The following TM6SF1 variants were observed in gnomAD, a reference collection of about 807,000 sequenced individuals.
The protein encoded by TM6SF1 is transmembrane 6 superfamily member 1.
In TM6SF1, 43 loss-of-function variants were observed where a neutral mutation model predicts 47.1. The ratio of observed to expected loss-of-function variants is 0.91; its 90% CI spans 0.72 to 1.18. The LOEUF (loss-of-function observed/expected upper bound fraction) is 1.18. Among genes scored for constraint, TM6SF1 ranks in the 50% most tolerant of loss-of-function variants. The pLI is 0.00. For missense variants in TM6SF1, 390 were observed against 449.0 expected, an observed-to-expected ratio of 0.87 and a Z score of 1.19; for synonymous variants, 177 against 166.3, an observed-to-expected ratio of 1.06 and a Z score of -0.49.
At chr15:83,135,636 G>A (rs1022491214) in intron 9 of TM6SF1, 1 of 150,768 alleles carries the variant, frequency 6.6e-6, no homozygotes, top group Non-Finnish European at 1.5e-5. Flanking sequence ...CTGTGCTTGC[G>A]AAAAATATCA....
intron 7 of TM6SF1, among the ~76,000 whole-genome samples, chr15:83,126,029 G>A (rs2035719400): frequency 6.6e-6 from 1 of 152,188 alleles, no homozygotes; most frequent in African/African-American, 2.4e-5. Context: ...GGCCCCACCT[G>A]TATTCTTGCA....
chr15:83,108,735 G>A (rs1458379290), intron 1 of TM6SF1, among the ~76,000 whole-genome samples: 1 of 152,214 alleles, frequency 6.6e-6, no homozygotes, highest in Non-Finnish European at 1.5e-5. Flanking sequence ...GCATCAGTCT[G>A]TAGGCTGCAA....
intron 3 of TM6SF1, among the ~76,000 whole-genome samples, chr15:83,117,769 T>G (rs935649581): frequency 6.6e-6 from 1 of 150,558 alleles, no homozygotes; most frequent in Admixed American, 6.6e-5. Context: ...TTTTGGGGAG[T>G]TTTAGAGTAG....
intron 1 of TM6SF1, among the ~76,000 whole-genome samples, chr15:83,111,143 A>T (rs2034120021): frequency 6.6e-6 from 1 of 152,140 alleles, no homozygotes; most frequent in Non-Finnish European, 1.5e-5. Flanking sequence ...AAGTGCTTGG[A>T]TTACAGGTGT....
intron 7 of TM6SF1, among the ~76,000 whole-genome samples, chr15:83,125,641 G>T (rs1458935650): frequency 6.6e-6 from 1 of 152,176 alleles, no homozygotes; most frequent in Non-Finnish European, 1.5e-5. Flanking sequence ...AAATGAATTT[G>T]GGAAGTTTAG....
chr15:83,122,899 T>G, intron 6 of TM6SF1, 21 bp downstream of exon 6: 1 of 1,613,354 alleles, frequency 6.2e-7, no homozygotes. Flanking sequence ...TAAGCTTTGA[T>G]GTACCCTGTT....
intron 4 of TM6SF1, among the ~76,000 whole-genome samples, chr15:83,121,185 C>T (rs1175403348): frequency 1.3e-5 from 2 of 152,076 alleles, no homozygotes; most frequent in African/African-American, 4.8e-5. Flanking sequence ...TTTCTCCTGC[C>T]TCAGCCTCCC....
intron 6 of TM6SF1, among the ~76,000 whole-genome samples, chr15:83,123,101 T>C (rs550021303): frequency 6.6e-6 from 1 of 152,344 alleles, no homozygotes; most frequent in South Asian, 2.1e-4. Flanking sequence ...AGGCCATACT[T>C]TGGGGAGCTT....
At chr15:83,118,683 C>A (rs2034927483) in intron 3 of TM6SF1, among the ~76,000 whole-genome samples, 1 of 152,116 alleles carries the variant, frequency 6.6e-6, no homozygotes, top group Admixed American at 6.5e-5. Flanking sequence ...CTGCACTCTT[C>A]CTTGTTGTAG....
chr15:83,130,716 GTTAT>G (rs1182370642), intron 9 of TM6SF1: 2 of 152,198 alleles, frequency 1.3e-5, no homozygotes, highest in African/African-American at 4.8e-5. Flanking sequence ...ACTGAATTAC[GTTAT>G]TTGTTTTGTA....
chr15:83,118,806 T>C (rs544136057), intron 3 of TM6SF1, among the ~76,000 whole-genome samples: 1 of 152,126 alleles, frequency 6.6e-6, no homozygotes, highest in South Asian at 2.1e-4. Context: ...GCACGGAAAA[T>C]TGATGACAGT....
chr15:83,117,466 C>G (rs943189178), intron 3 of TM6SF1, among the ~76,000 whole-genome samples: 1 of 152,112 alleles, frequency 6.6e-6, no homozygotes, highest in Admixed American at 6.5e-5. Context: ...ACTTTAGAGA[C>G]CATGGCCAGA....
intron 2 of TM6SF1, chr15:83,114,400 T>TC (rs1429316353): frequency 6.6e-6 from 1 of 152,282 alleles, no homozygotes; most frequent in African/African-American, 2.4e-5. Context: ...TCATCAGCAA[T>TC]CATTGGCAGA....
At chr15:83,133,225 A>G (rs981356489) in intron 9 of TM6SF1, 7 of 152,262 alleles carry the variant, frequency 4.6e-5, no homozygotes, top group African/African-American at 1.7e-4. Context: ...CTAAGAAAAG[A>G]TAACACAGTT....
intron 7 of TM6SF1, among the ~76,000 whole-genome samples, chr15:83,125,696 C>T (rs2035679971): frequency 1.3e-5 from 2 of 152,172 alleles, no homozygotes; most frequent in African/African-American, 4.8e-5. Flanking sequence ...AATTTCTATT[C>T]GAAGCCTGTT....
chr15:83,110,503 A>T (rs1267890238), intron 1 of TM6SF1, among the ~76,000 whole-genome samples: 1 of 152,100 alleles, frequency 6.6e-6, no homozygotes, highest in Non-Finnish European at 1.5e-5. Flanking sequence ...GCATGAGAGG[A>T]CGCTGTGAAC....
At chr15:83,135,666 T>C (rs1049634695) in intron 9 of TM6SF1, 1 of 152,228 alleles carries the variant, frequency 6.6e-6, no homozygotes, top group African/African-American at 2.4e-5. Context: ...AATTGGCACA[T>C]TCTGAATGTG....
chr15:83,130,435 C>T (rs762013261), intron 9 of TM6SF1: 5 of 152,274 alleles, frequency 3.3e-5, no homozygotes, highest in Non-Finnish European at 5.9e-5. Context: ...CATCCTGGGG[C>T]TTATCCATCA....
chr15:83,124,737 TCTC>T lies in TM6SF1; in HGVS notation c.675_677del (p.Leu226del). 2 of 1,614,158 alleles carry T rather than the reference TCTC, an allele frequency of 1.2e-6. No homozygotes were observed. The highest frequency in any genetic ancestry group is 2.2e-5 in the South Asian group (2 of 91,086). The stretch of plus-strand genomic sequence containing the variant: ...CATTTGATTTAATGTTGGTTGTGTG[TCTC>T]CTCCTGGCAACTGGATTTTGCCTGT... On this transcript the variant is annotated inframe_deletion, in exon 7 of 10. Transcript: ENST00000322019.
Sources: allele counts gnomAD v4.1 joint callset (sites outside exome capture counted in the v4.1 genomes callset), GRCh38; gene constraint gnomAD v4.1.1; transcripts MANE v1.5; gene names NCBI Gene and HGNC (gene_info 2026-07-23, HGNC 2026-07-21).